KIAA0586: variants seen among roughly 807,000 people sequenced by gnomAD.
The protein encoded by KIAA0586 is KIAA0586.
Under a neutral mutation model 169.8 loss-of-function variants are expected in KIAA0586, and 144 were observed. The observed-to-expected ratio is 0.85, with a 90% CI of 0.74 to 0.97. The LOEUF (loss-of-function observed/expected upper bound fraction) is 0.97, where lower values mean the gene tolerates loss of function less well. Among genes scored for constraint, KIAA0586 ranks in the 50% least tolerant of loss-of-function variants. The probability of loss-of-function intolerance (pLI) is 0.00; values close to 1 mark genes in which losing one functional copy is unlikely to be tolerated. For synonymous variants in KIAA0586, 625 were observed against 612.4 expected, an observed-to-expected ratio of 1.02 and a Z score of -0.30; for missense variants, 1,854 against 1,823.0, an observed-to-expected ratio of 1.02 and a Z score of -0.31.
chr14:58,490,134 T>C, intron 24 of KIAA0586, 30 bp from the exon 25 acceptor site: 1 of 1,072,060 alleles, frequency 9.3e-7, no homozygotes, highest in South Asian at 1.6e-5. Context: ...TTTCTTTTTT[T>C]TTTCTAAACT....
intron 29 of KIAA0586, among the ~76,000 whole-genome samples, chr14:58,537,938 C>T (rs535553124): frequency 8.5e-5 from 13 of 152,270 alleles, no homozygotes; most frequent in African/African-American, 1.9e-4. Flanking sequence ...TGAGCCACCG[C>T]GCCTGGCCCA....
chr14:58,478,952 C>G (rs1327870549), intron 20 of KIAA0586, among the ~76,000 whole-genome samples: 1 of 152,174 alleles, frequency 6.6e-6, no homozygotes, highest in Non-Finnish European at 1.5e-5. Context: ...AATCCATTTA[C>G]CAGTTGATGG....
chr14:58,499,104 T>A (rs1213356166), intron 27 of KIAA0586, 144 bp downstream of exon 27: 1 of 676,526 alleles, frequency 1.5e-6, no homozygotes, highest in Admixed American at 3.3e-5. Context: ...GGTGATAACT[T>A]TTTTTATAGT....
chr14:58,511,518 T>C (rs940400814), intron 28 of KIAA0586, among the ~76,000 whole-genome samples: 17 of 152,176 alleles, frequency 1.1e-4, no homozygotes, highest in African/African-American at 3.9e-4. Flanking sequence ...ACAGCTCTTA[T>C]TCGCTGTGAG....
At chr14:58,428,548 A>G (rs1391976236) in intron 1 of KIAA0586, 85 bp downstream of exon 1, 4 of 1,027,356 alleles carry the variant, frequency 3.9e-6, no homozygotes, top group Non-Finnish European at 4.4e-6. Flanking sequence ...AACGTAAGAT[A>G]TAAGTCTAGT....
At chr14:58,445,605 T>C (rs2038816068) in intron 6 of KIAA0586, among the ~76,000 whole-genome samples, 1 of 151,662 alleles carries the variant, frequency 6.6e-6, no homozygotes, top group South Asian at 2.1e-4. Flanking sequence ...AGCTAATTTT[T>C]GTATTTTCAG....
At chr14:58,467,607 G>C in intron 15 of KIAA0586, 128 bp from the exon 16 acceptor site, 1 of 668,584 alleles carries the variant, frequency 1.5e-6, no homozygotes, top group East Asian at 2.6e-5. Context: ...TGATGATGGA[G>C]GGAGGGGTGA....
downstream of KIAA0586, among the ~76,000 whole-genome samples, chr14:58,555,321 G>A (rs776803795): frequency 9.9e-5 from 15 of 151,740 alleles, no homozygotes; most frequent in South Asian, 2.1e-4. Flanking sequence ...GGCTGGTCTC[G>A]AACTCCTGAC....
chr14:58,517,391 G>A (rs2044842477), intron 29 of KIAA0586, among the ~76,000 whole-genome samples: 2 of 152,146 alleles, frequency 1.3e-5, no homozygotes, highest in African/African-American at 2.4e-5. Flanking sequence ...AACATCATTA[G>A]TAATTGGGAA....
At chr14:58,535,674 T>C (rs1002940639) in intron 29 of KIAA0586, among the ~76,000 whole-genome samples, 19 of 151,666 alleles carry the variant, frequency 1.3e-4, no homozygotes, top group Non-Finnish European at 2.5e-4. Context: ...TTTATATATT[T>C]TTAAGTACCC....
intron 27 of KIAA0586, among the ~76,000 whole-genome samples, chr14:58,504,767 G>A (rs2141376173): frequency 6.6e-6 from 1 of 152,206 alleles, no homozygotes; most frequent in Non-Finnish European, 1.5e-5. Flanking sequence ...AGCAAATTCA[G>A]CACTGTTATG....
Position 58,427,851 on chromosome 14 carries a change from T to C in KIAA0586, c.-414T>C, listed in dbSNP as rs2036961397. On this transcript the variant is annotated 5_prime_UTR_variant, in exon 1 of 31. Coordinates refer to ENST00000652326, the MANE Select transcript of KIAA0586 (RefSeq NM_001329943.3). ...CTGTGGCTGAAGAAAGCTATTACGC[T>C]TCTTATGTGGGTCATTATTTTAAAA... is the stretch of plus-strand genomic sequence containing the variant. 2 of 1,406,708 alleles carry C rather than the reference T, an allele frequency of 1.4e-6. No homozygotes were observed. Among genetic ancestry groups the C allele is most frequent in the Non-Finnish European group, 1.9e-6 (2 of 1,074,078 alleles). 87.1% of individuals were successfully genotyped at this position (1,406,708 alleles called of 1,614,324 possible). A position where few individuals can be genotyped will look rare whatever the true frequency, so the allele number is the denominator to read the frequency against.
In KIAA0586 at chr14:58,442,829, C is replaced by G; in HGVS notation, c.534C>G (p.Thr178=). The G allele has an allele frequency of 6.2e-7, 1 of 1,610,248 alleles. No individual in the cohort carries two copies. Residue 178 remains threonine (T), a synonymous_variant, in exon 5 of 31, where the codon ACC becomes ACG. Coordinates refer to ENST00000652326, the MANE Select transcript of KIAA0586 (RefSeq NM_001329943.3). The stretch of plus-strand genomic sequence containing the variant: ...CCAGTGGAATTGATTCAGCTACAAC[C>G]GTGGCTGCAGCAACTGCTGCTGCCA... The part of the protein sequence containing the change: ...ISPSGIDSAT[T]VAAATAAAIA...
chr14:58,490,491 T>G (rs2042768714), intron 25 of KIAA0586, among the ~76,000 whole-genome samples: 1 of 152,190 alleles, frequency 6.6e-6, no homozygotes, highest in African/African-American at 2.4e-5. Flanking sequence ...AATTAGGTAA[T>G]GAAATCTAGC....
downstream of KIAA0586, among the ~76,000 whole-genome samples, chr14:58,556,064 G>T (rs1184333985): frequency 6.6e-6 from 1 of 152,154 alleles, no homozygotes; most frequent in African/African-American, 2.4e-5. Context: ...TAGTTTTAGT[G>T]TCTTTACCAT....
chr14:58,508,795 C>T, intron 28 of KIAA0586, 86 bp downstream of exon 28: 1 of 994,290 alleles, frequency 1.0e-6, no homozygotes, highest in Non-Finnish European at 1.5e-6. Flanking sequence ...AAGAGCCAAG[C>T]CTCTGGAGTC....
chr14:58,547,461 GAAGTT>G (rs1199005759), intron 30 of KIAA0586, among the ~76,000 whole-genome samples: 3 of 152,136 alleles, frequency 2.0e-5, no homozygotes, highest in African/African-American at 4.8e-5. Context: ...CAGCCAGCAA[GAAGTT>G]AAGTCTGGAT....
downstream of KIAA0586, among the ~76,000 whole-genome samples, chr14:58,553,402 G>A (rs1233881700): frequency 2.6e-5 from 4 of 152,066 alleles, no homozygotes; most frequent in Non-Finnish European, 4.4e-5. Flanking sequence ...TAGTGGAAAC[G>A]TATTTTGCTT....
intron 29 of KIAA0586, among the ~76,000 whole-genome samples, chr14:58,532,784 G>T (rs970919194): frequency 6.6e-6 from 1 of 151,958 alleles, no homozygotes; most frequent in Admixed American, 6.6e-5. Context: ...ATTACTCTTG[G>T]GTTTCTAAGT....
Sources: gnomAD v4.1 joint callset for allele counts (sites outside exome capture counted in the v4.1 genomes callset) on GRCh38, gnomAD v4.1.1 for gene constraint, MANE v1.5 for transcripts, NCBI Gene and HGNC (gene_info 2026-07-23, HGNC 2026-07-21) for gene names.